The following SHROOM3 variants were observed in gnomAD, a reference collection of about 807,000 sequenced individuals.
SHROOM3 encodes protein Shroom3.
In SHROOM3, 47 loss-of-function variants were observed where a neutral mutation model predicts 138.6. The ratio of observed to expected loss-of-function variants is 0.34; its 90% confidence interval spans 0.27 to 0.43. The LOEUF (loss-of-function observed/expected upper bound fraction) is 0.43, where lower values mean the gene tolerates loss of function less well. Ranked by LOEUF, SHROOM3 falls within the 20% of genes least tolerant of loss-of-function variation. The pLI is 1.00. For synonymous variants in SHROOM3, 1,062 were observed against 1,063.3 expected (o/e 1.00, Z 0.02); for missense variants, 2,491 against 2,596.5 (o/e 0.96, Z 0.88).
chr4:76,775,647 T>A (rs1044738396), intron 10 of SHROOM3, among the ~76,000 whole-genome samples: 2 of 151,340 alleles, frequency 1.3e-5, no homozygotes, highest in Admixed American at 1.3e-4. Flanking sequence ...CCAGCCCAAA[T>A]GCCCATCAAT....
At chr4:76,523,445 G>A (rs973671419) in intron 1 of SHROOM3, among the ~76,000 whole-genome samples, 4 of 152,188 alleles carry the variant, frequency 2.6e-5, no homozygotes, top group African/African-American at 9.7e-5. Flanking sequence ...GGGTGTATAG[G>A]ATGGGAGCAT....
At chr4:76,457,466 G>A (rs1731050869) in intron 1 of SHROOM3, among the ~76,000 whole-genome samples, 3 of 151,764 alleles carry the variant, frequency 2.0e-5, no homozygotes, top group Non-Finnish European at 2.9e-5. Context: ...CTGCAGAACC[G>A]TGAGTCAACT....
chr4:76,501,571 A>T (rs981213426), intron 1 of SHROOM3, among the ~76,000 whole-genome samples: 1 of 152,104 alleles, frequency 6.6e-6, no homozygotes, highest in Non-Finnish European at 1.5e-5. Flanking sequence ...GGACTCCTGG[A>T]TGGGAGCTGG....
At position 76,565,881 on chromosome 4, in the gene SHROOM3, C is replaced by T. The variant is rs1024287787; in HGVS notation, c.323+10118C>T. Among the ~76,000 whole-genome samples, 13 of 151,908 alleles carry T rather than the reference C, an allele frequency of 8.6e-5. No homozygotes were observed. In the East Asian group the frequency reaches 9.6e-4, roughly 11 times the overall value. ...CTATAATCCCAGCACTTTGGAAGGC[C>T]GAGGCAGGAGGATCCCTTGAGTCCA... is the stretch of plus-strand genomic sequence containing the variant. On this transcript the variant is annotated intron_variant, in intron 2 of 10. Coordinates refer to ENST00000296043, the MANE Select transcript of SHROOM3 (RefSeq NM_020859.4).
At chr4:76,663,697 G>C (rs1394577032) in intron 2 of SHROOM3, among the ~76,000 whole-genome samples, 4 of 152,094 alleles carry the variant, frequency 2.6e-5, no homozygotes, top group Non-Finnish European at 2.9e-5. Context: ...GCACAGCTTT[G>C]GTTTTTAATT....
intron 2 of SHROOM3, among the ~76,000 whole-genome samples, chr4:76,599,397 A>G (rs1006614947): frequency 6.6e-6 from 1 of 152,176 alleles, no homozygotes; most frequent in Admixed American, 6.5e-5. Flanking sequence ...AATCCCCTGT[A>G]GTGGATAATC....
At position 76,756,620 on chromosome 4, in the gene SHROOM3, T is replaced by A. The variant is rs1486539278; in HGVS notation, c.4881T>A (p.Ser1627=). ...GCGTTCACGCCCAACTTGCTGGGTC[T>A]CTTGGTGGGCAGCCAGCACCCATCC... ...FMSVHAQLAG[S]LGGQPAPIQT... is the part of the protein sequence containing the mutation. The change falls in exon 8 of 11, where the codon TCT becomes TCA. Residue 1627 remains serine, a synonymous_variant. Transcript: ENST00000296043. The A allele has an allele frequency of 6.2e-7, 1 of 1,613,938 alleles. No individual in the cohort carries two copies. Among genetic ancestry groups the A allele is most frequent in the Admixed American group, 1.7e-5 (1 of 59,986 alleles).
At chr4:76,513,192 G>C (rs1732374143) in intron 1 of SHROOM3, among the ~76,000 whole-genome samples, 1 of 152,190 alleles carries the variant, frequency 6.6e-6, no homozygotes, top group Non-Finnish European at 1.5e-5. Context: ...TTCCCTATCA[G>C]AGGTTTTACA....
At chr4:76,660,923 C>A (rs1044245790) in intron 2 of SHROOM3, among the ~76,000 whole-genome samples, 1 of 152,050 alleles carries the variant, frequency 6.6e-6, no homozygotes, top group African/African-American at 2.4e-5. Context: ...CCCTAGCTTC[C>A]TGAGTAAATG....
At chr4:76,452,970 G>A (rs1413682924) in intron 1 of SHROOM3, among the ~76,000 whole-genome samples, 3 of 152,046 alleles carry the variant, frequency 2.0e-5, no homozygotes, top group African/African-American at 7.2e-5. Flanking sequence ...CACCTGCCTC[G>A]GCCTCCCAGA....
chr4:76,541,885 C>T (rs1733112058), intron 1 of SHROOM3, among the ~76,000 whole-genome samples: 1 of 152,164 alleles, frequency 6.6e-6, no homozygotes, highest in Non-Finnish European at 1.5e-5. Context: ...CCTGCTCCTC[C>T]TTCAGGGTAC....
At chr4:76,465,751 G>T (rs1212240782) in intron 1 of SHROOM3, among the ~76,000 whole-genome samples, 1 of 152,112 alleles carries the variant, frequency 6.6e-6, no homozygotes, top group Non-Finnish European at 1.5e-5. Context: ...AAGTAACAAT[G>T]CAAAAAGCCT....
At chr4:76,652,453 C>T (rs1022483648) in intron 2 of SHROOM3, among the ~76,000 whole-genome samples, 3 of 152,138 alleles carry the variant, frequency 2.0e-5, no homozygotes, top group Admixed American at 2.0e-4. Flanking sequence ...CATCTCCAAA[C>T]ATTGGGAGGT....
At chr4:76,551,873 T>A (rs114847105) in intron 1 of SHROOM3, among the ~76,000 whole-genome samples, 31,691 of 148,224 alleles carry the variant, frequency 0.21, 3,928 homozygotes, top group Middle Eastern at 0.31. Context: ...TATTATTATT[T>A]TTTTTTGAGA....
At chr4:76,440,327 C>T (rs1400461069) in intron 1 of SHROOM3, among the ~76,000 whole-genome samples, 3 of 152,150 alleles carry the variant, frequency 2.0e-5, no homozygotes, top group South Asian at 2.1e-4. Flanking sequence ...CTAAGTGATG[C>T]AGTCAGGATT....
Position 76,740,084 on chromosome 4 carries a change from C to A in SHROOM3, c.1911C>A (p.Asn637Lys). The A allele has an allele frequency of 6.2e-7, 1 of 1,613,790 alleles. No homozygotes were observed. The highest frequency in any genetic ancestry group is 8.5e-7 in the Non-Finnish European group (1 of 1,180,034). ...EGDFQEDHNA[N>K]LWRRLEREGL... ...ATTTCCAGGAAGACCACAATGCCAA[C>A]CTCTGGAGGAGGCTGGAGAGAGAAG... The change falls in exon 5 of 11, where the codon AAC becomes AAA. Residue 637 changes from asparagine to lysine, a missense_variant. By Grantham distance (94) the Asn-to-Lys change is moderately conservative (BLOSUM62 0). Transcript: ENST00000296043. This position sits in a 1 kb window ranked among gnomAD's most constrained non-coding sequence, Gnocchi z 4.0.
At chr4:76,521,972 A>G (rs1331156919) in intron 1 of SHROOM3, among the ~76,000 whole-genome samples, 1 of 152,166 alleles carries the variant, frequency 6.6e-6, no homozygotes, top group African/African-American at 2.4e-5. Flanking sequence ...AAACATGCTT[A>G]ACCTCAATCT....
intron 2 of SHROOM3, among the ~76,000 whole-genome samples, chr4:76,594,386 G>A (rs1284508695): frequency 1.3e-5 from 2 of 152,192 alleles, no homozygotes; most frequent in Non-Finnish European, 2.9e-5. Flanking sequence ...TCAAATATTT[G>A]TTGACTGAGT....
chr4:76,662,310 C>G (rs1402473108), intron 2 of SHROOM3, among the ~76,000 whole-genome samples: 1 of 152,168 alleles, frequency 6.6e-6, no homozygotes, highest in Admixed American at 6.5e-5. Flanking sequence ...TAATGGCTCT[C>G]ACCCAGAGCT....
Sources: gnomAD v4.1 joint callset for allele counts (sites outside exome capture counted in the v4.1 genomes callset) on GRCh38, gnomAD v4.1.1 for gene constraint, Gnocchi (gnomAD v3.1) non-coding constraint, MANE v1.5 for transcripts, NCBI Gene and HGNC (gene_info 2026-07-23, HGNC 2026-07-21) for gene names.